The following NEBL variants were observed in gnomAD, a reference collection of about 807,000 sequenced individuals.
The protein encoded by NEBL is LIM and SH3 protein 2.
A neutral mutation model predicts 140.2 loss-of-function variants in NEBL; 122 were observed. The observed-to-expected ratio is 0.87, with a 90% confidence interval of 0.75 to 1.01. The LOEUF is 1.01. Ranked by LOEUF, NEBL falls within the 50% of genes least tolerant of loss-of-function variation. The pLI is 0.00. For missense variants in NEBL, 1,365 were observed against 1,231.3 expected (o/e 1.11, Z -1.62); for synonymous variants, 436 against 398.9 (o/e 1.09, Z -1.11).
chr10:21,128,876 G>A (rs938732640), intron 2 of NEBL, among the ~76,000 whole-genome samples: 1 of 152,198 alleles, frequency 6.6e-6, no homozygotes, highest in African/African-American at 2.4e-5. Context: ...ATGAAAGAAG[G>A]ACATACAGGG....
At chr10:20,954,025 G>GAAAAA (rs200642113) in intron 4 of NEBL, among the ~76,000 whole-genome samples, 2 of 125,718 alleles carry the variant, frequency 1.6e-5, no homozygotes, top group Non-Finnish European at 3.4e-5. Context: ...TCTTCTTAAG[G>GAAAAA]AAAAAAAAAA....
chr10:20,843,880 T>C (rs1428230838), intron 12 of NEBL, among the ~76,000 whole-genome samples: 2 of 152,112 alleles, frequency 1.3e-5, no homozygotes, highest in African/African-American at 4.8e-5. Flanking sequence ...CAATCAATTA[T>C]AGTTAACCAT....
chr10:21,125,283 AT>A (rs1838771406), intron 2 of NEBL, among the ~76,000 whole-genome samples: 1 of 152,070 alleles, frequency 6.6e-6, no homozygotes, highest in Non-Finnish European at 1.5e-5. Context: ...TTGAAGCTAC[AT>A]TTGCTCATCA....
At chr10:21,139,476 G>A (rs1234815123) in intron 2 of NEBL, among the ~76,000 whole-genome samples, 2 of 152,116 alleles carry the variant, frequency 1.3e-5, no homozygotes, top group African/African-American at 4.8e-5. Flanking sequence ...GGAGACCAAG[G>A]TTGAAAATCC....
At position 20,858,299 on chromosome 10, in the gene NEBL, C is replaced by T. The variant is rs758296562; in HGVS notation, c.844G>A (p.Asp282Asn). 3 of 1,611,310 alleles carry T rather than the reference C, an allele frequency of 1.9e-6. No homozygotes were observed. The highest frequency in any genetic ancestry group is 2.7e-5 in the African/African-American group (2 of 74,866). Residue 282 changes from aspartate (D) to asparagine (N), a missense_variant, in exon 9 of 28, where the codon GAT becomes AAT. Asp to Asn is a conservative substitution (Grantham distance 23, BLOSUM62 1). Around this residue, in one of 2 missense-constraint regions of NEBL, gnomAD observed 1,323 missense variants for 1,154.8 expected, o/e 1.15. Transcript: ENST00000377122. Reference protein sequence around the residue: ...DIQNMHDPVSDLPNLLFLDHV... With the variant: ...DIQNMHDPVSNLPNLLFLDHV... Reference sequence around the variant, plus strand: ...TCTAAAAACAACAAATTTGGGAGATCTGAAACTGGATCATGCATATTTTGA... The same window carrying T: ...TCTAAAAACAACAAATTTGGGAGATTTGAAACTGGATCATGCATATTTTGA...
intron 3 of NEBL, among the ~76,000 whole-genome samples, chr10:21,017,656 G>A (rs1166364898): frequency 2.6e-5 from 4 of 152,118 alleles, no homozygotes; most frequent in Admixed American, 1.3e-4. Context: ...CTCCTGGAAT[G>A]CACTGAAGGC....
chr10:21,240,598 G>A (rs949735747), intron 3 of NEBL, among the ~76,000 whole-genome samples: 29 of 151,978 alleles, frequency 1.9e-4, no homozygotes, highest in African/African-American at 5.6e-4. Context: ...CAGCCTGGGC[G>A]ACAGAGCTAC....
At chr10:20,890,032 A>T in intron 2 of NEBL, 83 bp from the exon 3 acceptor site, 2 of 905,314 alleles carry the variant, frequency 2.2e-6, no homozygotes, top group Non-Finnish European at 3.5e-6. Flanking sequence ...TAGGTTGATA[A>T]AGTCCATTTA....
At chr10:21,019,281 C>T (rs1455355165) in intron 3 of NEBL, among the ~76,000 whole-genome samples, 1 of 152,258 alleles carries the variant, frequency 6.6e-6, no homozygotes, top group African/African-American at 2.4e-5. Flanking sequence ...TGGACTGTCT[C>T]ACTGCACGTT....
intron 24 of NEBL, among the ~76,000 whole-genome samples, chr10:20,810,812 C>T (rs553833344): frequency 6.6e-6 from 1 of 152,324 alleles, no homozygotes; most frequent in South Asian, 2.1e-4. Flanking sequence ...TGGAAATTTG[C>T]TTGTCTGTTT....
chr10:21,163,267 C>T (rs1382017486), intron 2 of NEBL, among the ~76,000 whole-genome samples: 2 of 152,124 alleles, frequency 1.3e-5, no homozygotes, highest in African/African-American at 4.8e-5. Flanking sequence ...GTAGTATACT[C>T]AGAACCAAGT....
chr10:21,032,812 G>A (rs555544017), intron 2 of NEBL, among the ~76,000 whole-genome samples: 3 of 152,090 alleles, frequency 2.0e-5, no homozygotes, highest in African/African-American at 4.8e-5. Flanking sequence ...TTTCTGGCTC[G>A]AAGGGTCAAA....
chr10:21,102,673 A>C (rs1174786886), intron 2 of NEBL, among the ~76,000 whole-genome samples: 1 of 152,176 alleles, frequency 6.6e-6, no homozygotes, highest in East Asian at 1.9e-4. Flanking sequence ...CATTATGAGT[A>C]CTATTGCATT....
At chr10:20,938,440 C>T (rs1834637241) in intron 4 of NEBL, among the ~76,000 whole-genome samples, 1 of 152,182 alleles carries the variant, frequency 6.6e-6, no homozygotes, top group Non-Finnish European at 1.5e-5. Context: ...CCCATCTGTA[C>T]ATCACCATCA....
In NEBL at chr10:20,783,222, A is replaced by G. The variant is rs1049202277; in HGVS notation, c.*2525T>C. On this transcript the variant is annotated 3_prime_UTR_variant, in exon 28 of 28. Coordinates refer to ENST00000377122, the MANE Select transcript of NEBL (RefSeq NM_006393.3). ...TAAAAATAGCACTTTGGTTTTATAC[A>G]TATAATTTTCCAATATTTCTCCTGA... 6.6e-6 allele frequency: 1 copy of G among 152,220 alleles called. No homozygotes were observed. The highest frequency in any genetic ancestry group is 2.4e-5 in the African/African-American group (1 of 41,438). The allele number at this position is 152,220 out of a possible 1,614,324, so 9.4% of individuals were successfully genotyped here.
chr10:21,153,958 T>C (rs1173272668), intron 2 of NEBL, among the ~76,000 whole-genome samples: 1 of 152,054 alleles, frequency 6.6e-6, no homozygotes, highest in Non-Finnish European at 1.5e-5. Flanking sequence ...ATGGGCAAAA[T>C]AGAAAAGTTC....
At chr10:20,786,421 G>A (rs1204018822) in intron 27 of NEBL, among the ~76,000 whole-genome samples, 1 of 152,266 alleles carries the variant, frequency 6.6e-6, no homozygotes, top group East Asian at 1.9e-4. Context: ...CACTATGAGA[G>A]AAATTTAGCA....
At chr10:20,808,056 A>G (rs759391648) in intron 26 of NEBL, among the ~76,000 whole-genome samples, 12 of 151,864 alleles carry the variant, frequency 7.9e-5, no homozygotes, top group Non-Finnish European at 1.6e-4. Context: ...CTCTGTCTGC[A>G]AGTTTATATT....
At chr10:20,917,460 C>T (rs1258107806) in intron 4 of NEBL, among the ~76,000 whole-genome samples, 2 of 152,286 alleles carry the variant, frequency 1.3e-5, no homozygotes, top group African/African-American at 4.8e-5. Context: ...CTGAATTAGG[C>T]TGAAAGTTGA....
Sources: allele counts gnomAD v4.1 joint callset (sites outside exome capture counted in the v4.1 genomes callset), GRCh38; gene constraint gnomAD v4.1.1; regional missense constraint gnomAD v4.1.1; transcripts MANE v1.5; gene names NCBI Gene and HGNC (gene_info 2026-07-23, HGNC 2026-07-21).